The following PCDHGB2 variants were observed in gnomAD, a reference collection of about 807,000 sequenced individuals.
The protein encoded by PCDHGB2 is protocadherin gamma-B2.
PCDHGB2 carries 55 observed loss-of-function variants against 59.3 expected under a neutral mutation model. The ratio of observed to expected loss-of-function variants is 0.93; its 90% CI spans 0.75 to 1.16. The LOEUF is 1.16. PCDHGB2 is among the 50% of genes most tolerant of loss of function. The pLI is 0.00. For missense variants in PCDHGB2, 1,228 were observed against 1,198.5 expected, an observed-to-expected ratio of 1.02 and a Z score of -0.36; for synonymous variants, 516 against 512.0, an observed-to-expected ratio of 1.01 and a Z score of -0.11.
At chr5:141,376,316 G>A (rs1178295234) in intron 1 of PCDHGB2, 2 of 1,614,224 alleles carry the variant, frequency 1.2e-6, no homozygotes, top group Non-Finnish European at 1.7e-6. Flanking sequence ...GGGCGTGGAA[G>A]GGGTTCGGGC....
At position 141,512,114 on chromosome 5, in the gene PCDHGB2, C is replaced by T. The variant is rs2099884080; in HGVS notation, c.*941C>T. ...TAACTAGGCTGGACCCTTCCCACTA[C>T]ATAATAGGGCTCAGCCCAGGCAGCC... On this transcript the variant is annotated 3_prime_UTR_variant, in exon 4 of 4. Coordinates refer to ENST00000522605, the MANE Select transcript of PCDHGB2 (RefSeq NM_018923.3). 2 of 152,696 alleles carry T rather than the reference C, an allele frequency of 1.3e-5. No homozygotes were observed. Among genetic ancestry groups the T allele is most frequent in the African/African-American group, 4.8e-5 (2 of 41,468 alleles). 9.5% of individuals were successfully genotyped at this position (152,696 alleles called of 1,614,324 possible).
chr5:141,478,045 T>A, intron 1 of PCDHGB2: 1 of 1,614,144 alleles, frequency 6.2e-7, no homozygotes, highest in Non-Finnish European at 8.5e-7. Context: ...CCAGGCAGAC[T>A]CTCACGGTCT....
chr5:141,394,633 G>T, intron 1 of PCDHGB2: 2 of 1,613,390 alleles, frequency 1.2e-6, no homozygotes, highest in Non-Finnish European at 1.7e-6. Context: ...CTGTCCTACC[G>T]CCTGCTCAAG....
At position 141,485,144 on chromosome 5, in the gene PCDHGB2, G is replaced by A; in HGVS notation, c.2422-9663G>A. 6.4e-7 allele frequency: 1 copy of A among 1,564,192 alleles called. No homozygotes were observed. The highest frequency in any genetic ancestry group is 1.7e-5 in the Admixed American group (1 of 59,326). On this transcript the variant is annotated intron_variant, in intron 1 of 3. Transcript: ENST00000522605. This position sits in a 1 kb window ranked among gnomAD's most constrained non-coding sequence, Gnocchi z 5.7. ...CGGGTCGGCTTCATCCGCGTCTCAG[G>A]AGCAAGTAGAGAATTAGCGGGCGGC...
chr5:141,438,601 T>C (rs2098005462), intron 1 of PCDHGB2, among the ~76,000 whole-genome samples: 6 of 26,284 alleles, frequency 2.3e-4, no homozygotes, highest in African/African-American at 1.3e-3. Flanking sequence ...CATATATATA[T>C]ATATATATAT....
At chr5:141,492,132 C>A (rs1289132641) in intron 1 of PCDHGB2, among the ~76,000 whole-genome samples, 3 of 152,220 alleles carry the variant, frequency 2.0e-5, no homozygotes, top group African/African-American at 4.8e-5. Context: ...CAGCTCCCAG[C>A]ATCTGTGACT....
chr5:141,362,656 G>C, intron 1 of PCDHGB2, 100 bp downstream of exon 1: 1 of 1,396,522 alleles, frequency 7.2e-7, no homozygotes, highest in South Asian at 1.5e-5. Flanking sequence ...AGTTAGATTT[G>C]GCCAATGTTG....
rs145936007 is a variant in PCDHGB2, at chr5:141,490,795, C to T, written c.2422-4012C>T. 2.0e-5 allele frequency: 33 copies of T among 1,614,036 alleles called. No homozygotes were observed. Among genetic ancestry groups the T allele is most frequent in the Non-Finnish European group, 2.8e-5 (33 of 1,179,922 alleles). ...CCCAGAGGATGGACGGATCTTTGCC[C>T]AGCGTACCTTTGACTATGAATTGCT... On this transcript the variant is annotated intron_variant, in intron 1 of 3. Coordinates refer to ENST00000522605, the MANE Select transcript of PCDHGB2 (RefSeq NM_018923.3). This position sits in a 1 kb window ranked among gnomAD's most constrained non-coding sequence, Gnocchi z 5.4.
intron 1 of PCDHGB2, chr5:141,384,575 C>G (rs754018989): frequency 6.2e-7 from 1 of 1,614,258 alleles, no homozygotes; most frequent in East Asian, 2.2e-5. Context: ...AATGACAACC[C>G]GCCCGAGATC....
intron 1 of PCDHGB2, chr5:141,427,607 T>C (rs1157037825): frequency 1.5e-6 from 1 of 688,594 alleles, no homozygotes; most frequent in Non-Finnish European, 2.7e-6. Context: ...TACGCATTGG[T>C]GAAGTCAACG....
chr5:141,389,610 G>C, intron 1 of PCDHGB2: 1 of 1,613,118 alleles, frequency 6.2e-7, no homozygotes, highest in Non-Finnish European at 8.5e-7. Flanking sequence ...CTTCGATATG[G>C]TGCCGCACGC....
chr5:141,474,499 C>T (rs1480109147), intron 1 of PCDHGB2, among the ~76,000 whole-genome samples: 1 of 152,198 alleles, frequency 6.6e-6, no homozygotes, highest in Non-Finnish European at 1.5e-5. Context: ...TCTTCTAATG[C>T]CTATCAGCCC....
At chr5:141,419,276 CAA>C in intron 1 of PCDHGB2, 4 of 1,614,038 alleles carry the variant, frequency 2.5e-6, no homozygotes, top group Non-Finnish European at 3.4e-6. Flanking sequence ...CTCCATAGCG[CAA>C]GTCAGTGCCT....
At chr5:141,413,806 A>G (rs775797735) in intron 1 of PCDHGB2, 1 of 1,613,168 alleles carries the variant, frequency 6.2e-7, no homozygotes, top group Non-Finnish European at 8.5e-7. Context: ...GGAAGAGGCC[A>G]TTCACCACCT....
At chr5:141,370,519 A>G (rs1766991925) in intron 1 of PCDHGB2, 1 of 1,613,730 alleles carries the variant, frequency 6.2e-7, no homozygotes, top group South Asian at 1.1e-5. Context: ...GAGGAGCTGG[A>G]CAGGGGCTCG....
intron 1 of PCDHGB2, chr5:141,419,669 C>T: frequency 6.2e-7 from 1 of 1,612,840 alleles, no homozygotes; most frequent in Non-Finnish European, 8.5e-7. Context: ...CAATGCCTGG[C>T]TGTCCTACCA....
chr5:141,437,408 G>A (rs1591455458), intron 1 of PCDHGB2, among the ~76,000 whole-genome samples: 1 of 152,200 alleles, frequency 6.6e-6, no homozygotes, highest in Non-Finnish European at 1.5e-5. Flanking sequence ...CATTCCAGAA[G>A]TATTATGCTT....
chr5:141,361,580 G>C lies in PCDHGB2; in HGVS notation c.1445G>C (p.Gly482Ala). The C allele has an allele frequency of 6.2e-7, 1 of 1,614,034 alleles. No homozygotes were observed. The highest frequency in any genetic ancestry group is 1.3e-5 in the African/African-American group (1 of 75,066). The change falls in exon 1 of 4, where the codon GGC (glycine) becomes GCC (alanine). Residue 482 changes from glycine to alanine, a missense_variant. Transcript: ENST00000522605. ...AQISASDPDL[G>A]PSGQVSYSIV... Reference sequence around the variant, plus strand: ...ATCAGTGCCTCTGACCCTGACTTGGGCCCCAGTGGCCAAGTTTCCTACTCC... The same window carrying C: ...ATCAGTGCCTCTGACCCTGACTTGGCCCCCAGTGGCCAAGTTTCCTACTCC...
intron 1 of PCDHGB2, chr5:141,376,291 C>A (rs780024608): frequency 6.2e-7 from 1 of 1,614,158 alleles, no homozygotes; most frequent in South Asian, 1.1e-5. Flanking sequence ...CGAGCATGCC[C>A]GGCTCGCACT....
Sources: gnomAD v4.1 joint callset for allele counts (sites outside exome capture counted in the v4.1 genomes callset) on GRCh38, gnomAD v4.1.1 for gene constraint, Gnocchi (gnomAD v3.1) non-coding constraint, MANE v1.5 for transcripts, NCBI Gene and HGNC (gene_info 2026-07-23, HGNC 2026-07-21) for gene names.